Variants in INPP4B observed in about 807,000 individuals in gnomAD.
INPP4B encodes the protein inositol polyphosphate-4-phosphatase type II B, also known as inositol polyphosphate 4-phosphatase type II.
INPP4B carries 55 observed loss-of-function variants against 122.5 expected under a neutral mutation model. The observed-to-expected ratio is 0.45, with a 90% CI of 0.36 to 0.56. INPP4B has a LOEUF of 0.56. INPP4B is among the 20% of genes least tolerant of loss of function. The pLI is 0.00. For synonymous variants in INPP4B, 403 were observed against 388.7 expected, an observed-to-expected ratio of 1.04 and a Z score of -0.43; for missense variants, 1,000 against 1,097.7, an observed-to-expected ratio of 0.91 and a Z score of 1.26.
At chr4:142,455,606 A>G (rs186016088) in intron 3 of INPP4B, among the ~76,000 whole-genome samples, 290 of 152,110 alleles carry the variant, frequency 1.9e-3, no homozygotes, top group Middle Eastern at 6.8e-3. Flanking sequence ...GAACAGTGCT[A>G]TAACAAACAT....
intron 7 of INPP4B, among the ~76,000 whole-genome samples, chr4:142,336,580 G>A (rs182162251): frequency 6.6e-6 from 1 of 152,268 alleles, no homozygotes; most frequent in Non-Finnish European, 1.5e-5. Flanking sequence ...GGGAAGAAGA[G>A]AGAGAAATAA....
chr4:142,233,678 T>TTG (rs1378337130), intron 12 of INPP4B, among the ~76,000 whole-genome samples: 1 of 152,136 alleles, frequency 6.6e-6, no homozygotes, highest in Non-Finnish European at 1.5e-5. Flanking sequence ...AGAAAAAACT[T>TTG]CAGAGTAAAG....
chr4:142,347,769 A>AT (rs141537694), intron 7 of INPP4B, among the ~76,000 whole-genome samples: 1 of 151,916 alleles, frequency 6.6e-6, no homozygotes, highest in Non-Finnish European at 1.5e-5. Context: ...CTAGGTAAAT[A>AT]TTTTTTTCTG....
rs570120412 is a variant in INPP4B at position 142,586,604 on chromosome 4, G to C, written c.-190-123878C>G. 1.8e-3 allele frequency among the ~76,000 whole-genome samples: 269 copies of C among 152,286 alleles called. 1 individual carries two copies. The highest frequency in any genetic ancestry group is 2.6e-3 in the Admixed American group (40 of 15,288). The stretch of plus-strand genomic sequence containing the variant: ...CTGCAACACACAAGGCTAACAGTTA[G>C]GTGCTGGGGATTATAAACGGAGAAT... On this transcript the variant is annotated intron_variant, in intron 2 of 25. Transcript: ENST00000262992.
At chr4:142,783,020 G>A (rs1043619918) in intron 1 of INPP4B, among the ~76,000 whole-genome samples, 10 of 151,668 alleles carry the variant, frequency 6.6e-5, no homozygotes, top group Non-Finnish European at 1.5e-4. Flanking sequence ...AATTCAAGAT[G>A]GATTAAAGAC....
chr4:142,289,052 T>C (rs527388895), intron 9 of INPP4B, among the ~76,000 whole-genome samples: 3 of 152,196 alleles, frequency 2.0e-5, no homozygotes, highest in Non-Finnish European at 4.4e-5. Context: ...AACCATTATG[T>C]TATTATCTTT....
chr4:142,767,772 G>T (rs1274131943), intron 1 of INPP4B: 1 of 152,168 alleles, frequency 6.6e-6, no homozygotes, highest in Non-Finnish European at 1.5e-5. Context: ...TTCCAAGAGT[G>T]TACAGAATGC....
At chr4:142,691,725 C>G (rs1392758101) in intron 2 of INPP4B, among the ~76,000 whole-genome samples, 2 of 152,068 alleles carry the variant, frequency 1.3e-5, no homozygotes, top group African/African-American at 4.8e-5. Flanking sequence ...CAACTACCAA[C>G]TTTCTAAACC....
At position 142,405,268 on chromosome 4, in the gene INPP4B, T is replaced by C. The variant is rs1803048658; in HGVS notation, c.193A>G (p.Ile65Val). The change falls in exon 6 of 26, where the codon ATC becomes GTC. Residue 65 changes from isoleucine to valine, a missense_variant. Physicochemically the swap from Ile to Val is conservative, Grantham distance 29. Coordinates refer to ENST00000262992, the MANE Select transcript of INPP4B (RefSeq NM_001101669.3). ...TGCTCCACGGGGTGGATTACGGAGATCTGCACCAGTGTATTCAGTTTACGA... is the reference window on the plus strand; with the variant it reads ...TGCTCCACGGGGTGGATTACGGAGACCTGCACCAGTGTATTCAGTTTACGA... ...RDRKLNTLVQ[I>V]SVIHPVEQSL... 6.2e-7 allele frequency: 1 copy of C among 1,613,662 alleles called. No individual in the cohort carries two copies. Among genetic ancestry groups the C allele is most frequent in the Admixed American group, 1.7e-5 (1 of 59,968 alleles).
intron 3 of INPP4B, among the ~76,000 whole-genome samples, chr4:142,454,611 T>C (rs142419283): frequency 3.2e-4 from 49 of 152,214 alleles, no homozygotes; most frequent in Admixed American, 8.5e-4. Flanking sequence ...TTTATCATCA[T>C]AGTAATTCAA....
chr4:142,802,605 G>A (rs1693268592), intron 1 of INPP4B, among the ~76,000 whole-genome samples: 1 of 152,022 alleles, frequency 6.6e-6, no homozygotes, highest in Non-Finnish European at 1.5e-5. Context: ...ATTTTTTGAA[G>A]TTAAAGCATC....
At chr4:142,235,333 AGTT>A (rs956251711) in intron 12 of INPP4B, among the ~76,000 whole-genome samples, 2 of 150,778 alleles carry the variant, frequency 1.3e-5, no homozygotes, top group Admixed American at 1.3e-4. Flanking sequence ...GGCTAAAATT[AGTT>A]ATTATGTTAA....
intron 1 of INPP4B, among the ~76,000 whole-genome samples, chr4:142,816,373 C>T: frequency 6.6e-6 from 1 of 151,894 alleles, no homozygotes; most frequent in Middle Eastern, 3.2e-3. Context: ...AATTTCAATG[C>T]CCTTTTGTTA....
intron 11 of INPP4B, among the ~76,000 whole-genome samples, chr4:142,251,992 C>T (rs2636657): frequency 0.8 from 122,049 of 152,214 alleles, 49,385 homozygotes; most frequent in East Asian, 0.93. Flanking sequence ...CACAGCCTAT[C>T]GCTTATGAGC....
intron 1 of INPP4B, among the ~76,000 whole-genome samples, chr4:142,796,868 A>ATGTGTGTGTGTGTGTGTG (rs34860975): frequency 2.8e-4 from 30 of 105,388 alleles, no homozygotes; most frequent in African/African-American, 1.0e-3. Flanking sequence ...CGGAAAACAG[A>ATGTGTGTGTGTGTGTGTG]TGTGTGTGTG....
chr4:142,476,772 C>G (rs1351659786), intron 2 of INPP4B, among the ~76,000 whole-genome samples: 1 of 152,126 alleles, frequency 6.6e-6, no homozygotes, highest in East Asian at 1.9e-4. Flanking sequence ...CCAATGTATA[C>G]ACACCCAATG....
chr4:142,277,848 A>T (rs139081563), intron 9 of INPP4B, among the ~76,000 whole-genome samples: 1 of 152,064 alleles, frequency 6.6e-6, no homozygotes, highest in East Asian at 1.9e-4. Flanking sequence ...AATAGGTGGG[A>T]GTTAAGCTAT....
At chr4:142,159,323 GA>G (rs1371593549) in intron 17 of INPP4B, among the ~76,000 whole-genome samples, 1 of 151,300 alleles carries the variant, frequency 6.6e-6, no homozygotes, top group Non-Finnish European at 1.5e-5. Flanking sequence ...TTTGCTCTTT[GA>G]AAATGCTTCA....
intron 2 of INPP4B, among the ~76,000 whole-genome samples, chr4:142,631,843 T>C (rs28491456): frequency 0.011 from 1,600 of 152,210 alleles, 27 homozygotes; most frequent in African/African-American, 0.037. Context: ...TCTTCAAGAA[T>C]GAAGGTGAAC....
Sources: gnomAD v4.1 joint callset for allele counts (sites outside exome capture counted in the v4.1 genomes callset) on GRCh38, gnomAD v4.1.1 for gene constraint, MANE v1.5 for transcripts, NCBI Gene and HGNC (gene_info 2026-07-23, HGNC 2026-07-21) for gene names.